Variants in MALRD1 observed in about 807,000 individuals in gnomAD.
MALRD1 encodes MAM and LDL-receptor class A domain-containing protein 1.
Under a neutral mutation model 242.1 loss-of-function variants are expected in MALRD1, and 247 were observed. The ratio of observed to expected loss-of-function variants is 1.02; its 90% CI spans 0.92 to 1.13. MALRD1 has a LOEUF of 1.13. Ranked by LOEUF, MALRD1 falls within the 50% of genes most tolerant of loss-of-function variation. MALRD1 has a pLI of 0.00. For missense variants in MALRD1, 2,989 were observed against 2,533.1 expected, an observed-to-expected ratio of 1.18 and a Z score of -3.86; for synonymous variants, 995 against 866.6, an observed-to-expected ratio of 1.15 and a Z score of -2.60.
chr10:19,692,326 ATCC>A lies in MALRD1; in HGVS notation c.6187_6189del (p.Pro2063del). 6.5e-7 allele frequency: 1 copy of A among 1,535,358 alleles called. No homozygotes were observed. Among genetic ancestry groups the A allele is most frequent in the Non-Finnish European group, 8.7e-7 (1 of 1,146,474 alleles). ...GGAAATCGATGCCATATCAAGTTTA[ATCC>A]TCCTGCTACAGACTTCACATACGCT... On this transcript the variant is annotated inframe_deletion, in exon 37 of 40. Coordinates refer to ENST00000454679, the MANE Select transcript of MALRD1 (RefSeq NM_001142308.3).
chr10:19,219,399 C>G (rs973231137), intron 18 of MALRD1, among the ~76,000 whole-genome samples: 2 of 151,998 alleles, frequency 1.3e-5, no homozygotes, highest in African/African-American at 4.8e-5. Flanking sequence ...AGAAAGAGTA[C>G]CATAGCATAT....
At chr10:19,336,787 A>G (rs1843633342) in intron 24 of MALRD1, among the ~76,000 whole-genome samples, 1 of 152,190 alleles carries the variant, frequency 6.6e-6, no homozygotes, top group South Asian at 2.1e-4. Context: ...CAATTAGGTA[A>G]TAGCACAAAT....
chr10:19,661,363 T>C (rs556951314), intron 36 of MALRD1, among the ~76,000 whole-genome samples: 7 of 152,234 alleles, frequency 4.6e-5, no homozygotes, highest in Admixed American at 4.6e-4. Context: ...CTATTCACAA[T>C]AGCAAAGACT....
chr10:19,384,964 TA>T (rs1175686009), intron 26 of MALRD1, among the ~76,000 whole-genome samples: 1 of 151,774 alleles, frequency 6.6e-6, no homozygotes, highest in Non-Finnish European at 1.5e-5. Context: ...TAAGAGATTT[TA>T]TTATGAAATG....
chr10:19,732,244 A>G (rs1000911600), intron 39 of MALRD1, among the ~76,000 whole-genome samples: 2 of 152,164 alleles, frequency 1.3e-5, no homozygotes, highest in African/African-American at 4.8e-5. Context: ...TTTCATTTTT[A>G]CTGGAGAAAG....
rs1322886178 is a variant in MALRD1 at position 19,283,173 on chromosome 10, T to C, written c.3411T>C (p.Asp1137=). 6.5e-7 allele frequency: 1 copy of C among 1,541,184 alleles called. No individual in the cohort carries two copies. Among genetic ancestry groups the C allele is most frequent in the African/African-American group, 1.4e-5 (1 of 72,734 alleles). The stretch of plus-strand genomic sequence containing the variant: ...AAGAAAACCACAGGCCATCAGTGGA[T>C]CATACACAGTAAGTGACCATGTATT... ...HGEENHRPSV[D]HTQNTTDGWY... is the part of the protein sequence containing the mutation. The change falls in exon 21 of 40, where the codon GAT becomes GAC. Residue 1137 remains aspartate, a synonymous_variant. Coordinates refer to ENST00000454679, the MANE Select transcript of MALRD1 (RefSeq NM_001142308.3).
At chr10:19,717,583 A>G (rs1834448602) in intron 38 of MALRD1, among the ~76,000 whole-genome samples, 1 of 152,188 alleles carries the variant, frequency 6.6e-6, no homozygotes, top group Admixed American at 6.5e-5. Flanking sequence ...TATTTTACCC[A>G]TGTGTTTTAT....
In MALRD1 at chr10:19,440,564, A is replaced by G. The variant is rs1222323290; in HGVS notation, c.4846-9743A>G. 7.2e-5 allele frequency among the ~76,000 whole-genome samples: 11 copies of G among 152,064 alleles called. No homozygotes were observed. The East Asian group carries it at 9.7e-4, about 13-fold the overall frequency. On this transcript the variant is annotated intron_variant, in intron 28 of 39. Coordinates refer to ENST00000454679, the MANE Select transcript of MALRD1 (RefSeq NM_001142308.3). The stretch of plus-strand genomic sequence containing the variant: ...TGTGTCCAAGTGTTCTCATTGTTCA[A>G]TTCCCACCTATGAGTGGGAACATGC...
At chr10:19,236,694 G>A (rs7092667) in intron 18 of MALRD1, among the ~76,000 whole-genome samples, 31,650 of 151,948 alleles carry the variant, frequency 0.21, 3,450 homozygotes, top group Admixed American at 0.33. Context: ...TAGAAAATTT[G>A]TCTTTAATAG....
At chr10:19,336,126 T>TA (rs971493233) in intron 24 of MALRD1, among the ~76,000 whole-genome samples, 5 of 151,970 alleles carry the variant, frequency 3.3e-5, no homozygotes, top group Admixed American at 6.6e-5. Flanking sequence ...CAAGAATCTA[T>TA]AAAAAAGTAA....
chr10:19,388,507 T>A (rs545719527), intron 27 of MALRD1, among the ~76,000 whole-genome samples: 2 of 152,340 alleles, frequency 1.3e-5, no homozygotes, highest in South Asian at 4.1e-4. Flanking sequence ...CATTTAAATT[T>A]CAGATTTTCA....
intron 32 of MALRD1, among the ~76,000 whole-genome samples, chr10:19,565,387 A>C (rs2131454595): frequency 6.6e-6 from 1 of 152,334 alleles, no homozygotes; most frequent in Non-Finnish European, 1.5e-5. Flanking sequence ...TTTGGGGAAA[A>C]ACAAAGTGTT....
At chr10:19,224,050 T>C (rs1437933434) in intron 18 of MALRD1, among the ~76,000 whole-genome samples, 1 of 152,174 alleles carries the variant, frequency 6.6e-6, no homozygotes, top group Non-Finnish European at 1.5e-5. Context: ...TTATAATCCT[T>C]TGGATGTGTA....
At chr10:19,456,005 A>C (rs563782363) in intron 29 of MALRD1, among the ~76,000 whole-genome samples, 2 of 152,190 alleles carry the variant, frequency 1.3e-5, no homozygotes, top group African/African-American at 2.4e-5. Context: ...CCAGGACCTC[A>C]GGGTAGAATC....
At chr10:19,068,141 T>C (rs550352655) in intron 2 of MALRD1, among the ~76,000 whole-genome samples, 23 of 152,078 alleles carry the variant, frequency 1.5e-4, no homozygotes, top group Non-Finnish European at 2.6e-4. Context: ...TCTTTATTTT[T>C]ACTCAGAAGG....
At chr10:19,445,054 T>G (rs986567565) in intron 28 of MALRD1, among the ~76,000 whole-genome samples, 1 of 152,202 alleles carries the variant, frequency 6.6e-6, no homozygotes, top group African/African-American at 2.4e-5. Flanking sequence ...ATTGCATTCA[T>G]TTGATCTTCA....
At chr10:19,052,994 G>A (rs1834555348) in intron 1 of MALRD1, among the ~76,000 whole-genome samples, 1 of 152,132 alleles carries the variant, frequency 6.6e-6, no homozygotes, top group Admixed American at 6.5e-5. Context: ...AGGTTGGAAA[G>A]AATCTCTGAC....
intron 29 of MALRD1, among the ~76,000 whole-genome samples, chr10:19,468,278 A>G (rs958955046): frequency 3.9e-5 from 6 of 152,184 alleles, no homozygotes; most frequent in African/African-American, 1.4e-4. Context: ...AATTCATTTG[A>G]CTGGGTGATG....
chr10:19,307,231 AC>A (rs66506240), intron 21 of MALRD1, among the ~76,000 whole-genome samples: 19,303 of 151,350 alleles, frequency 0.13, 1,266 homozygotes, highest in Non-Finnish European at 0.14. Context: ...GAAACATCAA[AC>A]TCTCTCACCT....
Sources: allele counts gnomAD v4.1 joint callset (sites outside exome capture counted in the v4.1 genomes callset), GRCh38; gene constraint gnomAD v4.1.1; transcripts MANE v1.5; gene names NCBI Gene and HGNC (gene_info 2026-07-23, HGNC 2026-07-21).